The following WDR70 variants were observed in gnomAD, a reference collection of about 807,000 sequenced individuals.
The protein encoded by WDR70 is WD repeat-containing protein 70.
Under a neutral mutation model 88.6 loss-of-function variants are expected in WDR70, and 53 were observed. The observed-to-expected ratio is 0.60, with a 90% CI of 0.48 to 0.75. WDR70 has a LOEUF of 0.75. Ranked by LOEUF, WDR70 falls within the 30% of genes least tolerant of loss-of-function variation. WDR70 has a pLI of 0.00. For synonymous variants in WDR70, 280 were observed against 270.0 expected, an observed-to-expected ratio of 1.04 and a Z score of -0.36; for missense variants, 610 against 823.2, an observed-to-expected ratio of 0.74 and a Z score of 3.17.
At chr5:37,637,339 T>TAAA (rs1203011250) in intron 10 of WDR70, among the ~76,000 whole-genome samples, 2 of 145,036 alleles carry the variant, frequency 1.4e-5, no homozygotes, top group South Asian at 2.2e-4. Flanking sequence ...AATAAATAAA[T>TAAA]TAAATAAATA....
intron 8 of WDR70, among the ~76,000 whole-genome samples, chr5:37,507,683 A>T (rs575745766): frequency 6.6e-6 from 1 of 152,282 alleles, no homozygotes; most frequent in African/African-American, 2.4e-5. Context: ...CTCCCCACTT[A>T]TTTAGGCCTT....
intron 13 of WDR70, 37 bp from the exon 14 acceptor site, chr5:37,721,078 G>A (rs1747797282): frequency 6.3e-7 from 1 of 1,581,514 alleles, no homozygotes; most frequent in African/African-American, 1.4e-5. Context: ...ATTTTTATCT[G>A]GCCTCTTTAG....
chr5:37,662,573 T>G (rs1480974430), intron 10 of WDR70, among the ~76,000 whole-genome samples: 1 of 152,182 alleles, frequency 6.6e-6, no homozygotes, highest in Non-Finnish European at 1.5e-5. Context: ...CATGTTACCT[T>G]AAGGCAGTCT....
chr5:37,749,376 C>T (rs1748731337), intron 17 of WDR70, among the ~76,000 whole-genome samples: 1 of 152,114 alleles, frequency 6.6e-6, no homozygotes, highest in South Asian at 2.1e-4. Context: ...CTCATGTTCT[C>T]ACTCATAAGT....
intron 9 of WDR70, among the ~76,000 whole-genome samples, chr5:37,585,163 T>A (rs1161483392): frequency 6.6e-6 from 1 of 151,872 alleles, no homozygotes; most frequent in Non-Finnish European, 1.5e-5. Context: ...GCTAATTTTT[T>A]GCATTTTTAG....
intron 10 of WDR70, among the ~76,000 whole-genome samples, chr5:37,693,323 T>C (rs1019333090): frequency 3.9e-5 from 6 of 152,062 alleles, no homozygotes; most frequent in African/African-American, 1.2e-4. Flanking sequence ...CCCCATCAAG[T>C]TACCAATGAC....
chr5:37,402,503 T>TA (rs1749227492), intron 5 of WDR70, among the ~76,000 whole-genome samples: 1 of 152,060 alleles, frequency 6.6e-6, no homozygotes, highest in Non-Finnish European at 1.5e-5. Flanking sequence ...TTTTAGTTTC[T>TA]AAAAAATTGA....
chr5:37,541,096 A>G (rs937792008), intron 9 of WDR70, among the ~76,000 whole-genome samples: 8 of 152,222 alleles, frequency 5.3e-5, no homozygotes, highest in African/African-American at 1.7e-4. Context: ...CACAGAGTTA[A>G]TTGCCTCACT....
intron 10 of WDR70, among the ~76,000 whole-genome samples, chr5:37,690,115 A>G (rs1350383986): frequency 6.6e-6 from 1 of 152,208 alleles, no homozygotes; most frequent in African/African-American, 2.4e-5. Context: ...GGTATCAGTG[A>G]TAGAAGATCG....
At chr5:37,545,265 G>C (rs560185954) in intron 9 of WDR70, among the ~76,000 whole-genome samples, 8 of 152,208 alleles carry the variant, frequency 5.3e-5, no homozygotes, top group Non-Finnish European at 1.0e-4. Context: ...TAATACAGTG[G>C]AGATAGGGTA....
intron 4 of WDR70, among the ~76,000 whole-genome samples, chr5:37,393,748 T>C (rs1057086492): frequency 6.6e-6 from 1 of 152,138 alleles, no homozygotes; most frequent in African/African-American, 2.4e-5. Flanking sequence ...TGGCACATTC[T>C]TAACTCACTG....
chr5:37,447,624 C>T (rs1413931789), intron 7 of WDR70, among the ~76,000 whole-genome samples: 2 of 152,176 alleles, frequency 1.3e-5, no homozygotes, highest in African/African-American at 4.8e-5. Context: ...ATGATGAGTT[C>T]ATGTCATTTG....
chr5:37,673,072 G>A (rs968832879), intron 10 of WDR70, among the ~76,000 whole-genome samples: 1 of 151,892 alleles, frequency 6.6e-6, no homozygotes, highest in African/African-American at 2.4e-5. Context: ...CCTCCCATAG[G>A]CCCCAGTGTG....
At chr5:37,391,096 T>C (rs912926133) in intron 3 of WDR70, among the ~76,000 whole-genome samples, 3 of 152,228 alleles carry the variant, frequency 2.0e-5, no homozygotes, top group Non-Finnish European at 4.4e-5. Context: ...TTAAAAAATA[T>C]ATCACCATCT....
intron 10 of WDR70, among the ~76,000 whole-genome samples, chr5:37,631,408 G>A (rs1020139586): frequency 1.8e-4 from 27 of 152,170 alleles, no homozygotes; most frequent in African/African-American, 6.3e-4. Flanking sequence ...TTACCTCACC[G>A]TTAGTAACAA....
At chr5:37,716,957 T>A (rs890424395) in intron 13 of WDR70, among the ~76,000 whole-genome samples, 1 of 152,236 alleles carries the variant, frequency 6.6e-6, no homozygotes, top group African/African-American at 2.4e-5. Context: ...CCCCTCTCTT[T>A]TTTCTTTGGT....
chr5:37,631,920 G>A (rs765452023), intron 10 of WDR70, among the ~76,000 whole-genome samples: 11 of 152,202 alleles, frequency 7.2e-5, no homozygotes, highest in Non-Finnish European at 1.6e-4. Flanking sequence ...GAGTGGGGAG[G>A]AGAGCCAGGA....
chr5:37,420,699 G>A (rs1369885110), intron 5 of WDR70, among the ~76,000 whole-genome samples: 1 of 152,086 alleles, frequency 6.6e-6, no homozygotes, highest in East Asian at 1.9e-4. Context: ...ATGACATGAG[G>A]TTGAGAGTTT....
intron 10 of WDR70, among the ~76,000 whole-genome samples, chr5:37,637,966 C>T (rs1045340846): frequency 2.8e-4 from 43 of 152,122 alleles, no homozygotes; most frequent in Non-Finnish European, 5.6e-4. Flanking sequence ...ATGCCACTGA[C>T]GGTGTCACAT....
Sources: allele counts gnomAD v4.1 joint callset (sites outside exome capture counted in the v4.1 genomes callset), GRCh38; gene constraint gnomAD v4.1.1; transcripts MANE v1.5; gene names NCBI Gene and HGNC (gene_info 2026-07-23, HGNC 2026-07-21).